Variants in ZNF679 observed in about 807,000 individuals in gnomAD.
ZNF679 encodes the protein hypothetical protein MGC42415.
Under a neutral mutation model 13.4 loss-of-function variants are expected in ZNF679, and 10 were observed. That is an observed-to-expected ratio of 0.75 (90% CI 0.46 to 1.27). The LOEUF (loss-of-function observed/expected upper bound fraction) is 1.27, where lower values mean the gene tolerates loss of function less well. ZNF679 is among the 50% of genes most tolerant of loss of function. ZNF679 has a pLI of 0.00. For synonymous variants in ZNF679, 179 were observed against 162.5 expected, an observed-to-expected ratio of 1.10 and a Z score of -0.77; for missense variants, 525 against 477.8, an observed-to-expected ratio of 1.10 and a Z score of -0.92.
At chr7:64,261,057 T>A in intron 4 of ZNF679, 128 bp downstream of exon 4, 2 of 895,286 alleles carry the variant, frequency 2.2e-6, no homozygotes, top group Admixed American at 6.8e-5. Flanking sequence ...GCCCGAGTCA[T>A]TTTTTTTTCT....
chr7:64,231,664 T>C (rs61753899), intron 1 of ZNF679, among the ~76,000 whole-genome samples: 6,031 of 152,178 alleles, frequency 0.04, 187 homozygotes, highest in East Asian at 0.16. Context: ...CTTCTATAAG[T>C]TGAGCCTAGA....
At chr7:64,262,485 T>C (rs934599994) in intron 4 of ZNF679, among the ~76,000 whole-genome samples, 4 of 152,216 alleles carry the variant, frequency 2.6e-5, no homozygotes, top group Admixed American at 1.3e-4. Context: ...GTTTAAAATA[T>C]TTTTTGTATA....
At chr7:64,256,258 C>T (rs2052007056) in intron 2 of ZNF679, among the ~76,000 whole-genome samples, 1 of 152,168 alleles carries the variant, frequency 6.6e-6, no homozygotes, top group Non-Finnish European at 1.5e-5. Flanking sequence ...GTTTTCCTTT[C>T]TTATAGCTGC....
At chr7:64,245,623 T>G (rs906672115) in intron 1 of ZNF679, among the ~76,000 whole-genome samples, 1 of 152,154 alleles carries the variant, frequency 6.6e-6, no homozygotes, top group South Asian at 2.1e-4. Flanking sequence ...TTTCCCACTT[T>G]AGGGAGGAAA....
Position 64,260,223 on chromosome 7 carries a change from ACT to A in ZNF679, c.43_44del (p.Leu15ValfsTer27), listed in dbSNP as rs1288647634. On this transcript the variant is annotated frameshift_variant, in exon 3 of 5. Coordinates refer to ENST00000421025, the MANE Select transcript of ZNF679 (RefSeq NM_153363.3). LOFTEE classifies it high-confidence loss of function. ...PGSPGSREMGLLTFRDVVIEF... is the reference protein window; with the variant it reads ...PGSPGSREMGXLTFRDVVIEF... ...TTGTTGTTGTTATTGTTTTTCAGGG[ACT>A]GTTGACATTCAGAGATGTAGTCATA... 4.4e-6 allele frequency: 7 copies of A among 1,601,070 alleles called. No homozygotes were observed. In the Admixed American group the frequency reaches 9.0e-5, roughly 21 times the overall value.
At chr7:64,232,486 T>C (rs1196622261) in intron 1 of ZNF679, among the ~76,000 whole-genome samples, 2 of 152,192 alleles carry the variant, frequency 1.3e-5, no homozygotes, top group Non-Finnish European at 2.9e-5. Flanking sequence ...GGCCTAGATA[T>C]ATGTCAATCC....
At chr7:64,236,975 A>AAGAAAGAAAGAAAGAAAGAG (rs201487010) in intron 1 of ZNF679, among the ~76,000 whole-genome samples, 58 of 16,284 alleles carry the variant, frequency 3.6e-3, no homozygotes, top group African/African-American at 5.9e-3. Flanking sequence ...GAAAGAAAGA[A>AAGAAAGAAAGAAAGAAAGAG]AAAGAAAGAA....
chr7:64,253,511 A>AT (rs1296524920), intron 2 of ZNF679, among the ~76,000 whole-genome samples: 1 of 152,230 alleles, frequency 6.6e-6, no homozygotes, highest in Non-Finnish European at 1.5e-5. Flanking sequence ...CAGAGTTAGA[A>AT]TAGATGGGAA....
rs558699181 is a variant in ZNF679, at chr7:64,249,878, G to C, written c.39+722G>C. 2.0e-5 allele frequency among the ~76,000 whole-genome samples: 3 copies of C among 152,108 alleles called. No individual in the cohort carries two copies. In the South Asian group the frequency reaches 6.2e-4, roughly 32 times the overall value. ...TTTTTTTGAGAGGGAGTCTTGCTCT[G>C]TTGTCCTTACTGGAGTGCAATGGCA... On this transcript the variant is annotated intron_variant, in intron 2 of 4. Coordinates refer to ENST00000421025, the MANE Select transcript of ZNF679 (RefSeq NM_153363.3).
At chr7:64,260,753 C>T (rs1027448466) in intron 3 of ZNF679, 81 bp from the exon 4 acceptor site, 3 of 1,361,930 alleles carry the variant, frequency 2.2e-6, no homozygotes, top group South Asian at 1.5e-5. Context: ...TCTATTATAT[C>T]CTCTTTACTA....
At chr7:64,236,850 C>A (rs570224490) in intron 1 of ZNF679, among the ~76,000 whole-genome samples, 8 of 75,448 alleles carry the variant, frequency 1.1e-4, no homozygotes, top group East Asian at 3.6e-4. Context: ...GAGAAAGAAA[C>A]AAAAGAAAGA....
chr7:64,251,590 G>T (rs1787945157), intron 2 of ZNF679, among the ~76,000 whole-genome samples: 1 of 152,092 alleles, frequency 6.6e-6, no homozygotes, highest in Non-Finnish European at 1.5e-5. Flanking sequence ...TTTTTTGGGG[G>T]AAACCCTACA....
At chr7:64,238,886 C>T (rs1787759626) in intron 1 of ZNF679, among the ~76,000 whole-genome samples, 1 of 152,156 alleles carries the variant, frequency 6.6e-6, no homozygotes, top group Admixed American at 6.5e-5. Flanking sequence ...ACCCAGCTTA[C>T]AGGCATTACA....
chr7:64,249,282 G>C (rs925055726), intron 2 of ZNF679, 126 bp downstream of exon 2: 1 of 1,480,518 alleles, frequency 6.8e-7, no homozygotes. Context: ...AATCCTCCTT[G>C]GCCCAGGTGG....
intron 1 of ZNF679, among the ~76,000 whole-genome samples, chr7:64,241,968 C>G (rs747673862): frequency 1.3e-4 from 20 of 152,338 alleles, no homozygotes; most frequent in Admixed American, 7.2e-4. Flanking sequence ...CACAAATGTG[C>G]TGGCTTCACT....
In ZNF679 at chr7:64,266,252, A is replaced by T. The variant is rs1373172751; in HGVS notation, c.619A>T (p.Thr207Ser). ...SQLHQHQIIH[T>S]RENSYQCEEC... The stretch of plus-strand genomic sequence containing the variant: ...ACTACATCAACATCAGATAATTCAT[A>T]CTAGGGAGAATTCCTACCAATGTGA... The change falls in exon 5 of 5, where the codon ACT becomes TCT. Residue 207 changes from threonine to serine, a missense_variant. Physicochemically the swap from Thr to Ser is moderately conservative, Grantham distance 58. Coordinates refer to ENST00000421025, the MANE Select transcript of ZNF679 (RefSeq NM_153363.3). 1.3e-6 allele frequency: 2 copies of T among 1,584,322 alleles called. No individual in the cohort carries two copies. The highest frequency in any genetic ancestry group is 2.7e-5 in the African/African-American group (2 of 73,962).
Position 64,249,179 on chromosome 7 carries a change from TGA to T in ZNF679, c.39+29_39+30del, listed in dbSNP as rs1562844050. 7 of 1,613,950 alleles carry T rather than the reference TGA, an allele frequency of 4.3e-6. No individual in the cohort carries two copies. In the East Asian group the frequency reaches 8.9e-5, roughly 21 times the overall value. On this transcript the variant is annotated intron_variant, in intron 2 of 4. Coordinates refer to ENST00000421025, the MANE Select transcript of ZNF679 (RefSeq NM_153363.3). ...ATGGTGAGTGCTGGGTCTGTCACCG[TGA>T]GAGAGGGGTGAGGGCTGGTTGGAAC...
chr7:64,254,130 CT>C (rs201161079), intron 2 of ZNF679, among the ~76,000 whole-genome samples: 8,690 of 138,012 alleles, frequency 0.063, 499 homozygotes, highest in East Asian at 0.37. Context: ...TTTATTATTA[CT>C]TTTTTTTTTT....
chr7:64,251,903 G>C (rs898068806), intron 2 of ZNF679, among the ~76,000 whole-genome samples: 1 of 152,174 alleles, frequency 6.6e-6, no homozygotes, highest in African/African-American at 2.4e-5. Context: ...TGCGACATTA[G>C]AATTGTCTTT....
Sources: gnomAD v4.1 joint callset for allele counts (sites outside exome capture counted in the v4.1 genomes callset) on GRCh38, gnomAD v4.1.1 for gene constraint, MANE v1.5 for transcripts, NCBI Gene and HGNC (gene_info 2026-07-23, HGNC 2026-07-21) for gene names.